DNASE1L2: variants seen among roughly 807,000 people sequenced by gnomAD.
The protein encoded by DNASE1L2 is deoxyribonuclease-1-like 2.
A neutral mutation model predicts 31.8 loss-of-function variants in DNASE1L2; 35 were observed. The ratio of observed to expected loss-of-function variants is 1.10; its 90% CI spans 0.84 to 1.46. The LOEUF is 1.46. DNASE1L2 is among the 40% of genes most tolerant of loss of function. DNASE1L2 has a pLI of 0.00. For missense variants in DNASE1L2, 504 were observed against 418.8 expected, an observed-to-expected ratio of 1.20 and a Z score of -1.77; for synonymous variants, 211 against 186.5, an observed-to-expected ratio of 1.13 and a Z score of -1.07.
chr16:2,237,887 A>C lies in DNASE1L2; in HGVS notation c.712A>C (p.Thr238Pro). ...GTGGCTCATCCCTGACAGCGCCGAC[A>C]CCACGGTGGGCAACTCAGACTGCGC... is the stretch of plus-strand genomic sequence containing the variant. Reference protein sequence around the residue: ...FKWLIPDSADTTVGNSDCAYD... With the variant: ...FKWLIPDSADPTVGNSDCAYD... Residue 238 changes from threonine to proline, a missense_variant, in exon 6 of 7, where the codon ACC becomes CCC. Thr to Pro is a conservative substitution (Grantham distance 38). Coordinates refer to ENST00000320700, the MANE Select transcript of DNASE1L2 (RefSeq NM_001374.3). 1 of 1,612,622 alleles carries C rather than the reference A, an allele frequency of 6.2e-7. No homozygotes were observed. Among genetic ancestry groups the C allele is most frequent in the Non-Finnish European group, 8.5e-7 (1 of 1,179,852 alleles).
Position 2,237,714 on chromosome 16 carries a change from G to T in DNASE1L2, c.592-53G>T, listed in dbSNP as rs1027371135. 11 of 1,593,644 alleles carry T rather than the reference G, an allele frequency of 6.9e-6. No individual in the cohort carries two copies. The East Asian group carries it at 2.5e-4, about 36-fold the overall frequency. On this transcript the variant is annotated intron_variant, in intron 5 of 6. Coordinates refer to ENST00000320700, the MANE Select transcript of DNASE1L2 (RefSeq NM_001374.3). The stretch of plus-strand genomic sequence containing the variant: ...CCCCGGGGGTCTGGTTCATGAGGGC[G>T]GGACCTCGACGGCTCCTGCGGCGGC...
Position 2,236,844 on chromosome 16 carries a change from G to A in DNASE1L2, c.28G>A (p.Ala10Thr), listed in dbSNP as rs931672724. 3.8e-6 allele frequency: 6 copies of A among 1,598,072 alleles called. No individual in the cohort carries two copies. In the African/African-American group the frequency reaches 8.0e-5, roughly 21 times the overall value. ...GGGCGGGCCCCGGGCTCTGCTGGCC[G>A]CACTCTGGGCGCTGGAAGCCGCCGG... MGGPRALLA[A>T]LWALEAAGTA... The change falls in exon 2 of 7, where the codon GCA becomes ACA. Residue 10 changes from alanine (A) to threonine (T), a missense_variant. By Grantham distance (58) the Ala-to-Thr change is moderately conservative. Coordinates refer to ENST00000320700, the MANE Select transcript of DNASE1L2 (RefSeq NM_001374.3).
In DNASE1L2 at chr16:2,237,272, G is replaced by A. The variant is rs777592650; in HGVS notation, c.288G>A (p.Gln96=). The A allele has an allele frequency of 1.6e-5, 25 of 1,589,548 alleles. No homozygotes were observed. Among genetic ancestry groups the A allele is most frequent in the Non-Finnish European group, 2.1e-5 (25 of 1,169,110 alleles). The change falls in exon 4 of 7, where the codon CAG becomes CAA. Residue 96 remains glutamine (Q), a synonymous_variant. Coordinates refer to ENST00000320700, the MANE Select transcript of DNASE1L2 (RefSeq NM_001374.3). ...FVSSQPLGRD[Q]YKEMYLFVYR... ...GCAGCCAGCCCCTGGGCCGGGACCA[G>A]TACAAGGAGATGTACCTGTTCGTGT...
Position 2,236,816 on chromosome 16 carries a change from C to G in DNASE1L2, c.-1C>G, listed in dbSNP as rs1460139132. 4.4e-6 allele frequency: 7 copies of G among 1,594,962 alleles called. No homozygotes were observed. The highest frequency in any genetic ancestry group is 6.0e-6 in the Non-Finnish European group (7 of 1,173,510). On this transcript the variant is annotated 5_prime_UTR_variant, in exon 2 of 7. Coordinates refer to ENST00000320700, the MANE Select transcript of DNASE1L2 (RefSeq NM_001374.3). ...TCCCTCCCAGCCTCTCGCTCCGCGC[C>G]ATGGGCGGGCCCCGGGCTCTGCTGG...
At position 2,237,557 on chromosome 16, in the gene DNASE1L2, A is replaced by C. The variant is rs748368432; in HGVS notation, c.499A>C (p.Ile167Leu). Residue 167 changes from isoleucine (I) to leucine (L), a missense_variant, in exon 5 of 7, where the codon ATC becomes CTC. Transcript: ENST00000320700. ...CGCAGCAGCACAGAACCTGGTGCTG[A>C]TCCCGCTGCACGCGGCGCCGCATCA... Reference protein sequence around the residue: ...LPAAAQNLVLIPLHAAPHQAV... With the variant: ...LPAAAQNLVLLPLHAAPHQAV... The C allele has an allele frequency of 3.9e-6, 6 of 1,520,188 alleles. No homozygotes were observed. The highest frequency in any genetic ancestry group is 5.3e-6 in the Non-Finnish European group (6 of 1,126,872). The allele number at this position is 1,520,188 out of a possible 1,614,324, so 94.2% of individuals were successfully genotyped here. A position where few individuals can be genotyped will look rare whatever the true frequency, so the allele number is the denominator to read the frequency against.
chr16:2,236,860 A>C lies in DNASE1L2; in HGVS notation c.44A>C (p.Glu15Ala). The C allele has an allele frequency of 6.3e-7, 1 of 1,598,814 alleles. No individual in the cohort carries two copies. The highest frequency in any genetic ancestry group is 8.5e-7 in the Non-Finnish European group (1 of 1,174,020). Residue 15 changes from glutamate to alanine, a missense_variant, in exon 2 of 7, where the codon GAA becomes GCA. Physicochemically the swap from Glu to Ala is moderately radical, Grantham distance 107 (BLOSUM62 -1). Transcript: ENST00000320700. The part of the protein sequence containing the change: ...RALLAALWAL[E>A]AAGTAALRIG... ...CTGCTGGCCGCACTCTGGGCGCTGGAAGCCGCCGGGACCGCCGCGCTTCGC... is the reference window on the plus strand; with the variant it reads ...CTGCTGGCCGCACTCTGGGCGCTGGCAGCCGCCGGGACCGCCGCGCTTCGC...
Position 2,238,370 on chromosome 16 carries a change from CA to C in DNASE1L2, c.853del (p.Ile285SerfsTer9). ...FGLDQTQALA[I>X]SDHFPVEVTL... ...TCACTCTGTCCCCACAGGCTCTTGC[CA>C]TCAGCGACCACTTTCCAGTGGAGGT... On this transcript the variant is annotated frameshift_variant, in exon 7 of 7. Coordinates refer to ENST00000320700, the MANE Select transcript of DNASE1L2 (RefSeq NM_001374.3). LOFTEE classifies it high-confidence loss of function. The C allele has an allele frequency of 6.2e-7, 1 of 1,613,482 alleles. No individual in the cohort carries two copies. Among genetic ancestry groups the C allele is most frequent in the Non-Finnish European group, 8.5e-7 (1 of 1,180,006 alleles).
intron 6 of DNASE1L2, 105 bp from the exon 7 acceptor site, chr16:2,238,257 C>T: frequency 1.3e-6 from 2 of 1,523,874 alleles, no homozygotes; most frequent in Non-Finnish European, 1.8e-6. Flanking sequence ...CCTGCCCCTG[C>T]CCCACCGCAG....
Position 2,236,853 on chromosome 16 carries a change from G to A in DNASE1L2, c.37G>A (p.Ala13Thr), listed in dbSNP as rs780442279. 5 of 1,599,160 alleles carry A rather than the reference G, an allele frequency of 3.1e-6. No homozygotes were observed. In the East Asian group the frequency reaches 9.0e-5, roughly 29 times the overall value. Residue 13 changes from alanine (A) to threonine (T), a missense_variant, in exon 2 of 7, where the codon GCG (alanine) becomes ACG (threonine). By Grantham distance (58) the Ala-to-Thr change is moderately conservative. Transcript: ENST00000320700. Reference protein sequence around the residue: ...GPRALLAALWALEAAGTAALR... With the variant: ...GPRALLAALWTLEAAGTAALR... ...CCGGGCTCTGCTGGCCGCACTCTGG[G>A]CGCTGGAAGCCGCCGGGACCGCCGC...
At chr16:2,237,745 C>G (rs2093516915) in intron 5 of DNASE1L2, 22 bp from the exon 6 acceptor site, 1 of 1,597,378 alleles carries the variant, frequency 6.3e-7, no homozygotes, top group South Asian at 1.1e-5. Context: ...GCGGCTCAGA[C>G]ACGGCTCCGC....
rs2093517654 is a variant in DNASE1L2 at position 2,237,916 on chromosome 16, C to T, written c.741C>T (p.Tyr247=). The change falls in exon 6 of 7, where the codon TAC becomes TAT. Residue 247 remains tyrosine, a synonymous_variant. Coordinates refer to ENST00000320700, the MANE Select transcript of DNASE1L2 (RefSeq NM_001374.3). The stretch of plus-strand genomic sequence containing the variant: ...CGGTGGGCAACTCAGACTGCGCCTA[C>T]GACCGCATTGTGGCCTGTGGCGCCC... ...DTTVGNSDCA[Y]DRIVACGARL... 6.2e-7 allele frequency: 1 copy of T among 1,611,782 alleles called. No individual in the cohort carries two copies. Among genetic ancestry groups the T allele is most frequent in the African/African-American group, 1.3e-5 (1 of 74,920 alleles).
chr16:2,237,800 T>C lies in DNASE1L2; in HGVS notation c.625T>C (p.Cys209Arg). ...MLFLGDFNAD[C>R]SYVRAQDWAA... ...GTTCCTGGGCGACTTCAACGCCGACTGCAGCTATGTGCGGGCGCAGGACTG... is the reference window on the plus strand; with the variant it reads ...GTTCCTGGGCGACTTCAACGCCGACCGCAGCTATGTGCGGGCGCAGGACTG... The change falls in exon 6 of 7, where the codon TGC becomes CGC. Residue 209 changes from cysteine to arginine, a missense_variant. By Grantham distance (180) the Cys-to-Arg change is radical (BLOSUM62 -3). Coordinates refer to ENST00000320700, the MANE Select transcript of DNASE1L2 (RefSeq NM_001374.3). 6.2e-7 allele frequency: 1 copy of C among 1,610,102 alleles called. No individual in the cohort carries two copies. Among genetic ancestry groups the C allele is most frequent in the Non-Finnish European group, 8.5e-7 (1 of 1,178,842 alleles).
At position 2,237,264 on chromosome 16, in the gene DNASE1L2, C is replaced by G. The variant is rs200934792; in HGVS notation, c.280C>G (p.Arg94Gly). The change falls in exon 4 of 7, where the codon CGG (arginine) becomes GGG (glycine). Residue 94 changes from arginine to glycine, a missense_variant. Physicochemically the swap from Arg to Gly is moderately radical, Grantham distance 125 (BLOSUM62 -2). Transcript: ENST00000320700. Reference sequence around the variant, plus strand: ...CTTTGTGAGCAGCCAGCCCCTGGGCCGGGACCAGTACAAGGAGATGTACCT... The same window carrying G: ...CTTTGTGAGCAGCCAGCCCCTGGGCGGGGACCAGTACAAGGAGATGTACCT... ...YSFVSSQPLG[R>G]DQYKEMYLFV... is the part of the protein sequence containing the mutation. 6 of 1,588,520 alleles carry G rather than the reference C, an allele frequency of 3.8e-6. No individual in the cohort carries two copies. Among genetic ancestry groups the G allele is most frequent in the Middle Eastern group, 1.7e-4 (1 of 6,056 alleles).
In DNASE1L2 at chr16:2,238,529, C is replaced by T. The variant is rs971204958; in HGVS notation, c.*111C>T. The T allele has an allele frequency of 3.3e-5, 45 of 1,355,246 alleles. No homozygotes were observed. Among genetic ancestry groups the T allele is most frequent in the South Asian group, 1.9e-4 (16 of 85,080 alleles). 84.0% of individuals were successfully genotyped at this position (1,355,246 alleles called of 1,614,324 possible). A position where few individuals can be genotyped will look rare whatever the true frequency, so the allele number is the denominator to read the frequency against. On this transcript the variant is annotated 3_prime_UTR_variant, in exon 7 of 7. Coordinates refer to ENST00000320700, the MANE Select transcript of DNASE1L2 (RefSeq NM_001374.3). The stretch of plus-strand genomic sequence containing the variant: ...CTTCAGTGAGGCCCCAAGGCAGAGT[C>T]GGCTGGGCGTGGACCAGGGGCCATG...
At chr16:2,238,341 A>G in intron 6 of DNASE1L2, 21 bp from the exon 7 acceptor site, 1 of 1,612,948 alleles carries the variant, frequency 6.2e-7, no homozygotes. Flanking sequence ...TTTTCCCCTG[A>G]GGCTCACTCT....
Position 2,237,254 on chromosome 16 carries a change from G to A in DNASE1L2, c.270G>A (p.Gln90=). 1 of 1,587,052 alleles carries A rather than the reference G, an allele frequency of 6.3e-7. No individual in the cohort carries two copies. Among genetic ancestry groups the A allele is most frequent in the Non-Finnish European group, 8.6e-7 (1 of 1,167,616 alleles). The change falls in exon 4 of 7, where the codon CAG becomes CAA. Residue 90 remains glutamine, a synonymous_variant. Coordinates refer to ENST00000320700, the MANE Select transcript of DNASE1L2 (RefSeq NM_001374.3). The stretch of plus-strand genomic sequence containing the variant: ...ACGAGTACAGCTTTGTGAGCAGCCA[G>A]CCCCTGGGCCGGGACCAGTACAAGG... The part of the protein sequence containing the change: ...SEHEYSFVSS[Q]PLGRDQYKEM...
At chr16:2,238,308 C>T (rs1346666405) in intron 6 of DNASE1L2, 54 bp from the exon 7 acceptor site, 1 of 1,609,698 alleles carries the variant, frequency 6.2e-7, no homozygotes, top group African/African-American at 1.3e-5. Context: ...CCGGCCCCTC[C>T]CATCCCTGTG....
Position 2,237,778 on chromosome 16 carries a change from C to A in DNASE1L2, c.603C>A (p.Phe201Leu). 1.2e-6 allele frequency: 2 copies of A among 1,607,272 alleles called. No individual in the cohort carries two copies. The highest frequency in any genetic ancestry group is 2.2e-5 in the East Asian group (1 of 44,476). Residue 201 changes from phenylalanine to leucine, a missense_variant, in exon 6 of 7, where the codon TTC (phenylalanine) becomes TTA (leucine). By Grantham distance (22) the Phe-to-Leu change is conservative. Coordinates refer to ENST00000320700, the MANE Select transcript of DNASE1L2 (RefSeq NM_001374.3). ...CGCGGCGCCCGCAGGACATGCTGTT[C>A]CTGGGCGACTTCAACGCCGACTGCA... ...IDKWGTDDML[F>L]LGDFNADCSY...
chr16:2,237,764 C>A lies in DNASE1L2; in HGVS notation c.592-3C>A. On this transcript the variant is annotated splice_polypyrimidine_tract_variant and splice_region_variant and intron_variant, in intron 5 of 6. Transcript: ENST00000320700. Reference sequence around the variant, plus strand: ...CTCAGACACGGCTCCGCGGCGCCCGCAGGACATGCTGTTCCTGGGCGACTT... The same window carrying A: ...CTCAGACACGGCTCCGCGGCGCCCGAAGGACATGCTGTTCCTGGGCGACTT... 1 of 1,603,610 alleles carries A rather than the reference C, an allele frequency of 6.2e-7. No homozygotes were observed. The highest frequency in any genetic ancestry group is 1.1e-5 in the South Asian group (1 of 90,250).
Sources: allele counts gnomAD v4.1 joint callset, GRCh38; gene constraint gnomAD v4.1.1; transcripts MANE v1.5; gene names NCBI Gene and HGNC (gene_info 2026-07-23, HGNC 2026-07-21).